MAML3: variants seen among roughly 807,000 people sequenced by gnomAD.
The protein encoded by MAML3 is mastermind-like protein 3.
A neutral mutation model predicts 101.9 loss-of-function variants in MAML3; 27 were observed. The ratio of observed to expected loss-of-function variants is 0.27; its 90% confidence interval spans 0.20 to 0.37. The LOEUF (loss-of-function observed/expected upper bound fraction) is 0.37, where lower values mean the gene tolerates loss of function less well. Ranked by LOEUF, MAML3 falls within the 10% of genes least tolerant of loss-of-function variation. The pLI is 1.00. For synonymous variants in MAML3, 501 were observed against 555.9 expected (o/e 0.90, Z 1.39); for missense variants, 1,316 against 1,444.9 (o/e 0.91, Z 1.45).
chr4:139,887,722 T>C (rs1182477533), intron 2 of MAML3, among the ~76,000 whole-genome samples: 1 of 152,226 alleles, frequency 6.6e-6, no homozygotes, highest in African/African-American at 2.4e-5. Flanking sequence ...CTACTGTAGC[T>C]AGTGTAAGAA....
chr4:140,034,493 C>G lies in MAML3; in HGVS notation c.468+118367G>C, dbSNP rs555455236. Among the ~76,000 whole-genome samples the G allele has an allele frequency of 3.3e-5, 5 of 152,238 alleles. No individual in the cohort carries two copies. The East Asian group carries it at 9.7e-4, about 29-fold the overall frequency. ...TGGCAGAATACTGAAGAACAAGGATCAGAAGGAAAGGCTGGGTGGGCCCAA... is the reference window on the plus strand; with the variant it reads ...TGGCAGAATACTGAAGAACAAGGATGAGAAGGAAAGGCTGGGTGGGCCCAA... On this transcript the variant is annotated intron_variant, in intron 1 of 4. Coordinates refer to ENST00000509479, the MANE Select transcript of MAML3 (RefSeq NM_018717.5).
chr4:139,967,487 C>T (rs2110785275), intron 1 of MAML3, among the ~76,000 whole-genome samples: 1 of 151,390 alleles, frequency 6.6e-6, no homozygotes, highest in South Asian at 2.1e-4. Flanking sequence ...CACACACACA[C>T]ACACACACAC....
At chr4:139,866,300 A>C (rs1445141517) in intron 2 of MAML3, among the ~76,000 whole-genome samples, 1 of 152,220 alleles carries the variant, frequency 6.6e-6, no homozygotes, top group Non-Finnish European at 1.5e-5. Flanking sequence ...AGGGAGGGAC[A>C]CGCTTGTCTC....
intron 1 of MAML3, among the ~76,000 whole-genome samples, chr4:140,140,050 G>A (rs867023025): frequency 1.3e-5 from 2 of 152,192 alleles, no homozygotes; most frequent in Admixed American, 6.5e-5. Flanking sequence ...GGGGCCGGAC[G>A]CGGTGGCTCA....
chr4:140,070,659 T>C (rs1408180964), intron 1 of MAML3, among the ~76,000 whole-genome samples: 2 of 152,328 alleles, frequency 1.3e-5, no homozygotes, highest in East Asian at 1.9e-4. Context: ...ATGGCACCTA[T>C]GTGACAATGA....
chr4:140,119,442 C>G (rs747513461), intron 1 of MAML3, among the ~76,000 whole-genome samples: 1 of 152,190 alleles, frequency 6.6e-6, no homozygotes, highest in Non-Finnish European at 1.5e-5. Flanking sequence ...CATCTCATGA[C>G]CAATTTGCAG....
At chr4:139,770,472 T>C (rs1276457029) in intron 2 of MAML3, among the ~76,000 whole-genome samples, 2 of 152,210 alleles carry the variant, frequency 1.3e-5, no homozygotes, top group East Asian at 3.9e-4. Context: ...ATTCTGTTTG[T>C]GTCCCTGGCA....
chr4:140,087,530 C>A lies in MAML3; in HGVS notation c.468+65330G>T, dbSNP rs143607703. On this transcript the variant is annotated intron_variant, in intron 1 of 4. Coordinates refer to ENST00000509479, the MANE Select transcript of MAML3 (RefSeq NM_018717.5). ...ACCTCTTTTTAATTATTGTGAAATTCTTTCCTGGATATATTGTACCCATTT... is the reference window on the plus strand; with the variant it reads ...ACCTCTTTTTAATTATTGTGAAATTATTTCCTGGATATATTGTACCCATTT... Among the ~76,000 whole-genome samples the A allele has an allele frequency of 1.9e-4, 29 of 152,310 alleles. 1 individual carries two copies. Among genetic ancestry groups the A allele is most frequent in the African/African-American group, 6.5e-4 (27 of 41,568 alleles).
intron 2 of MAML3, among the ~76,000 whole-genome samples, chr4:139,799,486 T>C (rs1730568816): frequency 2.0e-5 from 3 of 151,944 alleles, no homozygotes; most frequent in Non-Finnish European, 2.9e-5. Context: ...TAAGGAAAAA[T>C]AGATAGATAC....
intron 2 of MAML3, among the ~76,000 whole-genome samples, chr4:139,811,576 C>T (rs1423021831): frequency 6.6e-6 from 1 of 152,096 alleles, no homozygotes. Context: ...TATGGCAGCT[C>T]CAAGTGGAAA....
At chr4:139,865,493 TTTG>T (rs1269214964) in intron 2 of MAML3, among the ~76,000 whole-genome samples, 1 of 101,824 alleles carries the variant, frequency 9.8e-6, no homozygotes, top group African/African-American at 6.8e-5. Flanking sequence ...AGGTTTTTTT[TTTG>T]TTTTTTTTTT....
In MAML3 at chr4:139,779,994, G is replaced by A. The variant is rs930315202; in HGVS notation, c.2080-49327C>T. On this transcript the variant is annotated intron_variant, in intron 2 of 4. Transcript: ENST00000509479. ...CTTGCAGACTCTGCTCTGTTCCCTC[G>A]CCCCTAGGCCAGCAGATGCGCTGCC... 9.9e-5 allele frequency among the ~76,000 whole-genome samples: 15 copies of A among 152,276 alleles called. No homozygotes were observed. In the South Asian group the frequency reaches 1.2e-3, roughly 13 times the overall value.
At chr4:139,734,553 C>G (rs1275115076) in intron 2 of MAML3, among the ~76,000 whole-genome samples, 1 of 152,192 alleles carries the variant, frequency 6.6e-6, no homozygotes, top group African/African-American at 2.4e-5. Flanking sequence ...ACCAACGAAC[C>G]TATTTTACAT....
intron 2 of MAML3, among the ~76,000 whole-genome samples, chr4:139,843,659 G>T (rs1040958040): frequency 6.6e-6 from 1 of 152,180 alleles, no homozygotes; most frequent in African/African-American, 2.4e-5. Flanking sequence ...TACAGTTGGG[G>T]TTTCTCTAGA....
At chr4:140,056,241 C>G (rs961648625) in intron 1 of MAML3, among the ~76,000 whole-genome samples, 1 of 152,196 alleles carries the variant, frequency 6.6e-6, no homozygotes, top group African/African-American at 2.4e-5. Flanking sequence ...AATCACCTCT[C>G]TACATTCCAG....
chr4:140,078,266 C>T (rs1002616752), intron 1 of MAML3, among the ~76,000 whole-genome samples: 1 of 142,884 alleles, frequency 7.0e-6, no homozygotes, highest in Admixed American at 7.2e-5. Context: ...AAAAAAATCA[C>T]CCTCTCCCAT....
chr4:139,917,999 G>A (rs776242309), intron 1 of MAML3, among the ~76,000 whole-genome samples: 28 of 152,096 alleles, frequency 1.8e-4, no homozygotes, highest in Non-Finnish European at 3.5e-4. Flanking sequence ...TGATTTTTAT[G>A]TATTTTGTTT....
chr4:140,049,515 A>C (rs1203363895), intron 1 of MAML3, among the ~76,000 whole-genome samples: 1 of 152,188 alleles, frequency 6.6e-6, no homozygotes, highest in African/African-American at 2.4e-5. Context: ...GGAGGGGGGA[A>C]GAGAGAGCAG....
chr4:139,820,354 T>C (rs1730954846), intron 2 of MAML3, among the ~76,000 whole-genome samples: 1 of 152,248 alleles, frequency 6.6e-6, no homozygotes, highest in African/African-American at 2.4e-5. Context: ...AAGTATTTAA[T>C]AGTTTCAAGG....
Sources: allele counts gnomAD v4.1 joint callset (sites outside exome capture counted in the v4.1 genomes callset), GRCh38; gene constraint gnomAD v4.1.1; transcripts MANE v1.5; gene names NCBI Gene and HGNC (gene_info 2026-07-23, HGNC 2026-07-21).